GPATCH2: variants seen among roughly 807,000 people sequenced by gnomAD.
The protein encoded by GPATCH2 is G patch domain-containing protein 2.
In GPATCH2, 51 loss-of-function variants were observed where a neutral mutation model predicts 58.0. The ratio of observed to expected loss-of-function variants is 0.88; its 90% confidence interval spans 0.70 to 1.11. The LOEUF (loss-of-function observed/expected upper bound fraction) is 1.11, where lower values mean the gene tolerates loss of function less well. GPATCH2 is among the 50% of genes most tolerant of loss of function. GPATCH2 has a pLI of 0.00. For synonymous variants in GPATCH2, 222 were observed against 218.5 expected, an observed-to-expected ratio of 1.02 and a Z score of -0.14; for missense variants, 625 against 652.2, an observed-to-expected ratio of 0.96 and a Z score of 0.45.
At chr1:217,511,817 C>CTGTGTGTGTGTGTGTGTGTGTGTGTG (rs35836441) in intron 6 of GPATCH2, among the ~76,000 whole-genome samples, 3 of 148,954 alleles carry the variant, frequency 2.0e-5, no homozygotes, top group African/African-American at 7.4e-5. Context: ...AACTGGAAGT[C>CTGTGTGTGTGTGTGTGTGTGTGTGTG]TGTGTGTGTG....
At chr1:217,446,204 C>T (rs1263358596) in intron 9 of GPATCH2, among the ~76,000 whole-genome samples, 3 of 152,042 alleles carry the variant, frequency 2.0e-5, no homozygotes, top group African/African-American at 7.2e-5. Flanking sequence ...AGAGTTAATG[C>T]TGACTAAAGG....
At chr1:217,557,815 T>G (rs552737464) in intron 5 of GPATCH2, among the ~76,000 whole-genome samples, 1 of 152,334 alleles carries the variant, frequency 6.6e-6, no homozygotes, top group East Asian at 1.9e-4. Flanking sequence ...TACTGCCCAT[T>G]AATGTATCTT....
chr1:217,551,531 C>A (rs1665359883), intron 5 of GPATCH2, among the ~76,000 whole-genome samples: 1 of 152,082 alleles, frequency 6.6e-6, no homozygotes, highest in Non-Finnish European at 1.5e-5. Context: ...ATTCAAAGAA[C>A]CAAGACTGCT....
intron 5 of GPATCH2, among the ~76,000 whole-genome samples, chr1:217,570,331 T>C (rs1666473627): frequency 1.3e-5 from 2 of 152,106 alleles, no homozygotes; most frequent in African/African-American, 2.4e-5. Context: ...CAGGCTGGTC[T>C]TGAATTCCTG....
At chr1:217,604,056 A>G (rs1668239782) in intron 5 of GPATCH2, among the ~76,000 whole-genome samples, 1 of 151,048 alleles carries the variant, frequency 6.6e-6, no homozygotes, top group Admixed American at 6.6e-5. Context: ...TATTTAAAAA[A>G]GTGTCAGTTT....
chr1:217,448,641 A>G (rs1659506847), intron 9 of GPATCH2, among the ~76,000 whole-genome samples: 1 of 152,202 alleles, frequency 6.6e-6, no homozygotes, highest in Non-Finnish European at 1.5e-5. Flanking sequence ...CTTCCCTCTG[A>G]TCAGTACTTG....
intron 8 of GPATCH2, among the ~76,000 whole-genome samples, chr1:217,464,577 T>A (rs983067975): frequency 2.6e-5 from 4 of 152,060 alleles, no homozygotes; most frequent in African/African-American, 9.7e-5. Context: ...ATTAAAGTGA[T>A]TTCCCAGGAT....
intron 5 of GPATCH2, among the ~76,000 whole-genome samples, chr1:217,558,664 C>T (rs1279785342): frequency 6.6e-6 from 1 of 152,090 alleles, no homozygotes; most frequent in East Asian, 1.9e-4. Context: ...TAAAACAAAA[C>T]AAGGCCTGGA....
intron 7 of GPATCH2, among the ~76,000 whole-genome samples, chr1:217,494,611 C>T (rs1237828950): frequency 1.3e-5 from 2 of 151,922 alleles, no homozygotes; most frequent in African/African-American, 4.8e-5. Flanking sequence ...TGGTGGCAGG[C>T]GCCTGTAATT....
rs1658469196 is a variant in GPATCH2 at position 217,430,238 on chromosome 1, T to C, written c.*907A>G. ...GAGTTCTGGGAGAGCCATTTAACTT[T>C]TCATGTAAATTGATTCAATATTGTA... On this transcript the variant is annotated 3_prime_UTR_variant, in exon 10 of 10. Coordinates refer to ENST00000366935, the MANE Select transcript of GPATCH2 (RefSeq NM_018040.5). The C allele has an allele frequency of 6.6e-6, 1 of 152,176 alleles. No individual in the cohort carries two copies. The highest frequency in any genetic ancestry group is 2.1e-4 in the South Asian group (1 of 4,832). 9.4% of individuals were successfully genotyped at this position (152,176 alleles called of 1,614,324 possible). A position where few individuals can be genotyped will look rare whatever the true frequency, so the allele number is the denominator to read the frequency against.
At chr1:217,496,188 T>C (rs1661998392) in intron 7 of GPATCH2, among the ~76,000 whole-genome samples, 2 of 152,228 alleles carry the variant, frequency 1.3e-5, no homozygotes, top group Admixed American at 6.5e-5. Flanking sequence ...ATTGTACATA[T>C]ACATACATGT....
intron 8 of GPATCH2, among the ~76,000 whole-genome samples, chr1:217,480,225 T>C (rs1212512395): frequency 6.6e-6 from 1 of 151,878 alleles, no homozygotes; most frequent in Non-Finnish European, 1.5e-5. Flanking sequence ...GGAGAAAATA[T>C]TTGCAAGCTA....
At chr1:217,586,075 T>C (rs1421513593) in intron 5 of GPATCH2, among the ~76,000 whole-genome samples, 1 of 152,144 alleles carries the variant, frequency 6.6e-6, no homozygotes, top group African/African-American at 2.4e-5. Flanking sequence ...TCTGGGTTAG[T>C]GAGTGAGGGA....
intron 5 of GPATCH2, among the ~76,000 whole-genome samples, chr1:217,601,217 A>T (rs1668092938): frequency 6.6e-6 from 1 of 152,136 alleles, no homozygotes; most frequent in African/African-American, 2.4e-5. Flanking sequence ...ATCTAAAGGG[A>T]ACATCCAAAA....
At chr1:217,451,556 A>G (rs754623345) in intron 8 of GPATCH2, among the ~76,000 whole-genome samples, 11 of 152,232 alleles carry the variant, frequency 7.2e-5, no homozygotes, top group Non-Finnish European at 1.3e-4. Context: ...TGAGTTAAAT[A>G]AAATCTTTAA....
At chr1:217,507,092 T>C (rs147877885) in intron 6 of GPATCH2, among the ~76,000 whole-genome samples, 1 of 152,334 alleles carries the variant, frequency 6.6e-6, no homozygotes, top group Non-Finnish European at 1.5e-5. Context: ...TCCTATTCAC[T>C]ACTGTACACC....
chr1:217,510,562 CT>C (rs573333091), intron 6 of GPATCH2, among the ~76,000 whole-genome samples: 180 of 151,936 alleles, frequency 1.2e-3, no homozygotes, highest in African/African-American at 4.0e-3. Context: ...CATTAATGAG[CT>C]TTCCCCCAAA....
chr1:217,610,948 G>A lies in GPATCH2; in HGVS notation c.959C>T (p.Pro320Leu), dbSNP rs1185749458. Residue 320 changes from proline to leucine, a missense_variant, in exon 4 of 10, where the codon CCT becomes CTT. Pro to Leu is a moderately conservative substitution (Grantham distance 98, BLOSUM62 -3). Coordinates refer to ENST00000366935, the MANE Select transcript of GPATCH2 (RefSeq NM_018040.5). ...PTELDKNVPD[P>L]VFESILTGSF... ...ACCAGTTAAGATACTTTCAAAGACAGGATCTGGTACATTTTTGTCTAGCTC... is the reference window on the plus strand; with the variant it reads ...ACCAGTTAAGATACTTTCAAAGACAAGATCTGGTACATTTTTGTCTAGCTC... The A allele has an allele frequency of 1.9e-6, 3 of 1,613,554 alleles. No homozygotes were observed. Among genetic ancestry groups the A allele is most frequent in the Admixed American group, 1.7e-5 (1 of 59,934 alleles).
At chr1:217,508,626 C>T (rs1402358578) in intron 6 of GPATCH2, among the ~76,000 whole-genome samples, 3 of 152,058 alleles carry the variant, frequency 2.0e-5, no homozygotes, top group African/African-American at 4.8e-5. Context: ...TAAGAAGTAA[C>T]TCCATTTTTA....
Sources: allele counts gnomAD v4.1 joint callset (sites outside exome capture counted in the v4.1 genomes callset), GRCh38; gene constraint gnomAD v4.1.1; transcripts MANE v1.5; gene names NCBI Gene and HGNC (gene_info 2026-07-23, HGNC 2026-07-21).